MYO3B: variants seen among roughly 807,000 people sequenced by gnomAD.
The protein encoded by MYO3B is myosin-IIIb.
MYO3B carries 156 observed loss-of-function variants against 174.6 expected under a neutral mutation model. The ratio of observed to expected loss-of-function variants is 0.89; its 90% CI spans 0.78 to 1.02. The LOEUF is 1.02. Ranked by LOEUF, MYO3B falls within the 50% of genes least tolerant of loss-of-function variation. The probability of loss-of-function intolerance (pLI) is 0.00; values close to 1 mark genes in which losing one functional copy is unlikely to be tolerated. For synonymous variants in MYO3B, 563 were observed against 569.1 expected (o/e 0.99, Z 0.15); for missense variants, 1,632 against 1,639.4 (o/e 1.00, Z 0.08).
intron 32 of MYO3B, among the ~76,000 whole-genome samples, chr2:170,572,895 T>C (rs527335941): frequency 7.2e-5 from 11 of 152,316 alleles, no homozygotes; most frequent in Admixed American, 2.0e-4. Flanking sequence ...AATTAATGAC[T>C]GTTTTTTCCC....
intron 7 of MYO3B, among the ~76,000 whole-genome samples, chr2:170,283,812 A>G (rs1452054679): frequency 6.6e-6 from 1 of 152,230 alleles, no homozygotes; most frequent in Non-Finnish European, 1.5e-5. Context: ...AAAGTAGCAC[A>G]TTATATTTGG....
chr2:170,539,654 C>T (rs756510793), intron 30 of MYO3B, among the ~76,000 whole-genome samples: 6 of 151,642 alleles, frequency 4.0e-5, no homozygotes, highest in Non-Finnish European at 7.4e-5. Context: ...GGTCTCACTC[C>T]GGCTGTCCAG....
intron 7 of MYO3B, among the ~76,000 whole-genome samples, chr2:170,318,032 TTCC>T (rs1315111466): frequency 6.6e-6 from 1 of 152,202 alleles, no homozygotes; most frequent in African/African-American, 2.4e-5. Flanking sequence ...GTCCTTTATT[TTCC>T]TCAAGTTTGT....
At chr2:170,409,471 C>T (rs2094532136) in intron 22 of MYO3B, among the ~76,000 whole-genome samples, 1 of 152,196 alleles carries the variant, frequency 6.6e-6, no homozygotes, top group Non-Finnish European at 1.5e-5. Context: ...ATAGGCTTCC[C>T]AGTATTCCTG....
intron 24 of MYO3B, among the ~76,000 whole-genome samples, chr2:170,465,997 A>G (rs1684604039): frequency 6.6e-6 from 1 of 152,062 alleles, no homozygotes; most frequent in African/African-American, 2.4e-5. Flanking sequence ...GATAGTCACC[A>G]CAGTCTTCTT....
intron 7 of MYO3B, among the ~76,000 whole-genome samples, chr2:170,278,104 A>T (rs2093476664): frequency 6.6e-6 from 1 of 152,206 alleles, no homozygotes; most frequent in Non-Finnish European, 1.5e-5. Context: ...TTTTTGCTAC[A>T]GAGTGGGCTT....
At chr2:170,424,370 G>A (rs940355123) in intron 22 of MYO3B, among the ~76,000 whole-genome samples, 1 of 152,196 alleles carries the variant, frequency 6.6e-6, no homozygotes, top group Non-Finnish European at 1.5e-5. Flanking sequence ...TATAATCCCA[G>A]CACTTTGGGA....
At chr2:170,375,367 C>T (rs2094283995) in intron 9 of MYO3B, among the ~76,000 whole-genome samples, 1 of 152,154 alleles carries the variant, frequency 6.6e-6, no homozygotes, top group African/African-American at 2.4e-5. Flanking sequence ...ACCATGAACT[C>T]AACCGTGAAC....
At chr2:170,460,789 A>G (rs545981417) in intron 23 of MYO3B, among the ~76,000 whole-genome samples, 3 of 152,174 alleles carry the variant, frequency 2.0e-5, no homozygotes, top group East Asian at 1.9e-4. Context: ...CATTTTTCCA[A>G]TTTGCTGTAG....
At chr2:170,538,781 T>G (rs1689889491) in intron 30 of MYO3B, among the ~76,000 whole-genome samples, 1 of 152,144 alleles carries the variant, frequency 6.6e-6, no homozygotes, top group Non-Finnish European at 1.5e-5. Flanking sequence ...GTTTGAGACT[T>G]TAGTTATGCT....
At chr2:170,296,990 C>A (rs1434642042) in intron 7 of MYO3B, among the ~76,000 whole-genome samples, 3 of 152,122 alleles carry the variant, frequency 2.0e-5, no homozygotes, top group Non-Finnish European at 4.4e-5. Context: ...CAATCGCCTC[C>A]CACCAGGCCC....
intron 9 of MYO3B, among the ~76,000 whole-genome samples, chr2:170,375,934 T>C (rs1439925140): frequency 6.6e-6 from 1 of 152,202 alleles, no homozygotes; most frequent in Non-Finnish European, 1.5e-5. Context: ...TCTATACCTA[T>C]ATCTGTCTAT....
chr2:170,541,471 ATCTCTTAACC>A (rs1690101186), intron 30 of MYO3B, among the ~76,000 whole-genome samples: 2 of 152,192 alleles, frequency 1.3e-5, no homozygotes, highest in African/African-American at 4.8e-5. Context: ...ACCTGGGAAA[ATCTCTTAACC>A]TCTCTGAACC....
intron 7 of MYO3B, among the ~76,000 whole-genome samples, chr2:170,289,376 CCTT>C (rs534544658): frequency 1.8e-4 from 28 of 152,048 alleles, no homozygotes; most frequent in Admixed American, 4.6e-4. Context: ...TTTATTACAG[CCTT>C]CTTCTCATTA....
chr2:170,201,783 A>G (rs2092665170), intron 3 of MYO3B, among the ~76,000 whole-genome samples: 1 of 150,078 alleles, frequency 6.7e-6, no homozygotes, highest in African/African-American at 2.5e-5. Context: ...TGGAAATGAT[A>G]AAGTACTGTT....
chr2:170,354,056 G>C (rs183587232), intron 8 of MYO3B, among the ~76,000 whole-genome samples: 1 of 152,166 alleles, frequency 6.6e-6, no homozygotes, highest in East Asian at 1.9e-4. Context: ...TATGAAATTC[G>C]TGATCCATCT....
intron 8 of MYO3B, among the ~76,000 whole-genome samples, chr2:170,352,500 C>T (rs1266829727): frequency 6.6e-6 from 1 of 152,100 alleles, no homozygotes; most frequent in Non-Finnish European, 1.5e-5. Context: ...ATCTATATGA[C>T]CATGCTTTTG....
intron 7 of MYO3B, among the ~76,000 whole-genome samples, chr2:170,315,136 T>C (rs1365252413): frequency 6.6e-6 from 1 of 152,216 alleles, no homozygotes; most frequent in Non-Finnish European, 1.5e-5. Flanking sequence ...AATTCCCTAT[T>C]TCTTTCGCTT....
intron 30 of MYO3B, among the ~76,000 whole-genome samples, chr2:170,541,870 A>G (rs1690134429): frequency 6.6e-6 from 1 of 152,216 alleles, no homozygotes; most frequent in Admixed American, 6.5e-5. Flanking sequence ...CCCTCCTTCC[A>G]GGTACTGATG....
Sources: gnomAD v4.1 joint callset for allele counts (sites outside exome capture counted in the v4.1 genomes callset) on GRCh38, gnomAD v4.1.1 for gene constraint, MANE v1.5 for transcripts, NCBI Gene and HGNC (gene_info 2026-07-23, HGNC 2026-07-21) for gene names.